Variants in LRRTM4 observed in about 807,000 individuals in gnomAD.
LRRTM4 encodes the protein leucine rich repeat transmembrane neuronal 4.
A neutral mutation model predicts 47.6 loss-of-function variants in LRRTM4; 25 were observed. That is an observed-to-expected ratio of 0.53 (90% CI 0.38 to 0.73). The LOEUF (loss-of-function observed/expected upper bound fraction) is 0.73. LRRTM4 is among the 30% of genes least tolerant of loss of function. The probability of loss-of-function intolerance (pLI) is 0.00; values close to 1 mark genes in which losing one functional copy is unlikely to be tolerated. For missense variants in LRRTM4, 638 were observed against 713.4 expected (o/e 0.89, Z 1.20); for synonymous variants, 311 against 269.5 (o/e 1.15, Z -1.51).
At chr2:77,492,077 TA>T in intron 3 of LRRTM4, among the ~76,000 whole-genome samples, 1 of 152,286 alleles carries the variant, frequency 6.6e-6, no homozygotes, top group Non-Finnish European at 1.5e-5. Context: ...GAATTATATG[TA>T]AATATATTTT....
chr2:77,070,132 T>C (rs1680102625), intron 3 of LRRTM4, among the ~76,000 whole-genome samples: 1 of 152,160 alleles, frequency 6.6e-6, no homozygotes, highest in Non-Finnish European at 1.5e-5. Flanking sequence ...CAGGCTATTT[T>C]ATTTTTGGCA....
At chr2:77,152,471 G>A (rs1390679294) in intron 3 of LRRTM4, among the ~76,000 whole-genome samples, 1 of 152,074 alleles carries the variant, frequency 6.6e-6, no homozygotes, top group East Asian at 1.9e-4. Flanking sequence ...TGGGACTACA[G>A]GTGTGTGCCA....
At chr2:77,080,956 T>A (rs77404023) in intron 3 of LRRTM4, among the ~76,000 whole-genome samples, 381 of 152,232 alleles carry the variant, frequency 2.5e-3, no homozygotes, top group African/African-American at 8.9e-3. Context: ...TCTGTCCACA[T>A]CCCCACTTCC....
intron 3 of LRRTM4, among the ~76,000 whole-genome samples, chr2:77,183,930 C>T (rs72913917): frequency 0.051 from 7,721 of 151,904 alleles, 655 homozygotes; most frequent in African/African-American, 0.18. Flanking sequence ...CGGGGCCTGT[C>T]GTGGGTTGGG....
chr2:77,335,228 C>T (rs978535662), intron 3 of LRRTM4, among the ~76,000 whole-genome samples: 1 of 152,122 alleles, frequency 6.6e-6, no homozygotes, highest in Non-Finnish European at 1.5e-5. Context: ...TGAAAGCCTC[C>T]AAATCACTTC....
At chr2:77,306,953 G>T (rs1677292948) in intron 3 of LRRTM4, among the ~76,000 whole-genome samples, 1 of 131,820 alleles carries the variant, frequency 7.6e-6, no homozygotes, top group South Asian at 2.4e-4. Context: ...AGGCTGGAGT[G>T]CAGTGGCGCG....
At chr2:77,258,759 A>T (rs72809135) in intron 3 of LRRTM4, among the ~76,000 whole-genome samples, 37,909 of 149,862 alleles carry the variant, frequency 0.25, 7,384 homozygotes, top group African/African-American at 0.55. Flanking sequence ...TCTTATTTTT[A>T]AAAAAAAAAT....
At chr2:77,450,285 G>GCACACA (rs138889433) in intron 3 of LRRTM4, among the ~76,000 whole-genome samples, 12 of 144,014 alleles carry the variant, frequency 8.3e-5, no homozygotes, top group Middle Eastern at 3.7e-3. Flanking sequence ...TCTCTGTCAT[G>GCACACA]CACACACACA....
intron 3 of LRRTM4, among the ~76,000 whole-genome samples, chr2:77,347,867 T>C (rs1322427683): frequency 1.3e-5 from 2 of 152,050 alleles, no homozygotes; most frequent in Non-Finnish European, 2.9e-5. Context: ...ATCTACATCA[T>C]CTATTTCTTT....
At chr2:77,058,135 T>C (rs1679668062) in intron 3 of LRRTM4, among the ~76,000 whole-genome samples, 2 of 152,200 alleles carry the variant, frequency 1.3e-5, no homozygotes, top group Admixed American at 6.6e-5. Flanking sequence ...AGTTTTCTAA[T>C]TCAAACAACC....
intron 3 of LRRTM4, among the ~76,000 whole-genome samples, chr2:77,014,169 G>T (rs774716829): frequency 6.6e-6 from 1 of 151,968 alleles, no homozygotes; most frequent in African/African-American, 2.4e-5. Context: ...TAGAGAGGGC[G>T]GATCAAGAGG....
chr2:77,156,860 C>T (rs1163539213), intron 3 of LRRTM4, among the ~76,000 whole-genome samples: 2 of 151,972 alleles, frequency 1.3e-5, no homozygotes, highest in East Asian at 1.9e-4. Flanking sequence ...ATGTGAGCTA[C>T]AGGGCCTGGC....
At chr2:77,204,633 T>TAAA (rs752566883) in intron 3 of LRRTM4, among the ~76,000 whole-genome samples, 61 of 152,258 alleles carry the variant, frequency 4.0e-4, no homozygotes, top group Non-Finnish European at 6.0e-4. Flanking sequence ...TCCAGCTTTG[T>TAAA]ATGCCATGAT....
Position 77,228,201 on chromosome 2 carries a change from G to A in LRRTM4, c.1551+290117C>T, listed in dbSNP as rs1468217451. 3.9e-5 allele frequency among the ~76,000 whole-genome samples: 6 copies of A among 151,988 alleles called. No homozygotes were observed. In the South Asian group the frequency reaches 1.2e-3, roughly 31 times the overall value. ...ACAGAATTAAGATATTATTATTTGG[G>A]TGCTGTCCAAATCCATGATATTTCT... is the stretch of plus-strand genomic sequence containing the variant. On this transcript the variant is annotated intron_variant, in intron 3 of 3. Coordinates refer to ENST00000409884, the MANE Select transcript of LRRTM4 (RefSeq NM_001134745.3).
intron 3 of LRRTM4, among the ~76,000 whole-genome samples, chr2:76,919,215 G>A (rs748289645): frequency 3.3e-5 from 5 of 152,062 alleles, no homozygotes; most frequent in South Asian, 2.1e-4. Context: ...AATCATATAC[G>A]CACCTAACAC....
chr2:76,789,333 C>G (rs903434548), intron 3 of LRRTM4, among the ~76,000 whole-genome samples: 1 of 152,290 alleles, frequency 6.6e-6, no homozygotes, highest in East Asian at 1.9e-4. Flanking sequence ...CTTCCATGTT[C>G]CATACCACTG....
At chr2:76,772,437 T>A (rs1673752507) in intron 3 of LRRTM4, among the ~76,000 whole-genome samples, 1 of 152,162 alleles carries the variant, frequency 6.6e-6, no homozygotes, top group East Asian at 1.9e-4. Context: ...AACTGAGCAA[T>A]GTCTAAATAA....
In LRRTM4 at chr2:77,122,325, G is replaced by A. The variant is rs115404469; in HGVS notation, c.1552-373409C>T. Among the ~76,000 whole-genome samples the A allele has an allele frequency of 8.6e-3, 1,303 of 151,390 alleles. 15 individuals are homozygous for A. Among genetic ancestry groups the A allele is most frequent in the Middle Eastern group, 0.041 (12 of 290 alleles). On this transcript the variant is annotated intron_variant, in intron 3 of 3. Transcript: ENST00000409884. ...AAAATTAAAAATAATGAGTTCTAAT[G>A]TTACATGATCCTACATTTTTGTCTT...
chr2:77,169,845 A>G (rs1460285327), intron 3 of LRRTM4, among the ~76,000 whole-genome samples: 1 of 151,896 alleles, frequency 6.6e-6, no homozygotes, highest in Non-Finnish European at 1.5e-5. Flanking sequence ...CATACTTTTT[A>G]TGTTTCTTTC....
Sources: allele counts gnomAD v4.1 joint callset (sites outside exome capture counted in the v4.1 genomes callset), GRCh38; gene constraint gnomAD v4.1.1; transcripts MANE v1.5; gene names NCBI Gene and HGNC (gene_info 2026-07-23, HGNC 2026-07-21).